VTA1: variants seen among roughly 807,000 people sequenced by gnomAD.
VTA1 encodes vacuolar protein sorting-associated protein VTA1 homolog.
Under a neutral mutation model 36.9 loss-of-function variants are expected in VTA1, and 24 were observed. That is an observed-to-expected ratio of 0.65 (90% CI 0.47 to 0.91). The LOEUF (loss-of-function observed/expected upper bound fraction) is 0.91, where lower values mean the gene tolerates loss of function less well. VTA1 is among the 40% of genes least tolerant of loss of function. VTA1 has a pLI of 0.00. For synonymous variants in VTA1, 142 were observed against 130.2 expected, an observed-to-expected ratio of 1.09 and a Z score of -0.62; for missense variants, 393 against 377.2, an observed-to-expected ratio of 1.04 and a Z score of -0.35.
chr6:142,197,756 A>G (rs1300676889), intron 5 of VTA1, among the ~76,000 whole-genome samples: 2 of 152,082 alleles, frequency 1.3e-5, no homozygotes, highest in African/African-American at 4.8e-5. Context: ...TTGAGTCTTC[A>G]TAAGTTTAAA....
chr6:142,206,097 A>T (rs1775786251), intron 7 of VTA1, among the ~76,000 whole-genome samples: 1 of 152,178 alleles, frequency 6.6e-6, no homozygotes, highest in Non-Finnish European at 1.5e-5. Context: ...AAAGCTATAA[A>T]GATAGGAAAA....
intron 4 of VTA1, 134 bp downstream of exon 4, chr6:142,170,555 A>AT: frequency 3.6e-6 from 2 of 552,494 alleles, no homozygotes; most frequent in Non-Finnish European, 6.0e-6. Flanking sequence ...GTAATTTTGC[A>AT]TTTTTTATTA....
chr6:142,169,415 A>G (rs1416802838), intron 2 of VTA1, 135 bp from the exon 3 acceptor site: 2 of 1,052,046 alleles, frequency 1.9e-6, no homozygotes, highest in Non-Finnish European at 2.7e-6. Flanking sequence ...TCTTTTTGCA[A>G]GATTTCATTG....
chr6:142,170,856 C>A (rs1311026510), intron 4 of VTA1, among the ~76,000 whole-genome samples: 2 of 152,016 alleles, frequency 1.3e-5, no homozygotes, highest in Non-Finnish European at 2.9e-5. Flanking sequence ...AACTCTTGAG[C>A]TCAAGCAATC....
intron 1 of VTA1, among the ~76,000 whole-genome samples, chr6:142,153,214 A>G (rs571041585): frequency 2.0e-5 from 3 of 152,228 alleles, no homozygotes; most frequent in East Asian, 3.9e-4. Flanking sequence ...TGTAAACTCT[A>G]TGAGAACAAG....
At chr6:142,203,845 G>A (rs966694886) in intron 6 of VTA1, 140 bp from the exon 7 acceptor site, 2 of 647,010 alleles carry the variant, frequency 3.1e-6, no homozygotes, top group Non-Finnish European at 5.4e-6. Context: ...CATCAACTAA[G>A]TATGTCAAGT....
At chr6:142,201,834 A>G (rs1300346418) in intron 6 of VTA1, among the ~76,000 whole-genome samples, 2 of 151,992 alleles carry the variant, frequency 1.3e-5, no homozygotes, top group Admixed American at 6.6e-5. Context: ...CATAGACAAT[A>G]TAGGTAACAT....
At position 142,215,689 on chromosome 6, in the gene VTA1, C is replaced by G. The variant is rs147744672; in HGVS notation, c.779-2809C>G. ...GCCTTTGACATAAGAATTTCTAGAACTATCTAGTTAAATTGGAAAGAGCTG... is the reference window on the plus strand; with the variant it reads ...GCCTTTGACATAAGAATTTCTAGAAGTATCTAGTTAAATTGGAAAGAGCTG... On this transcript the variant is annotated intron_variant, in intron 7 of 7. Coordinates refer to ENST00000367630, the MANE Select transcript of VTA1 (RefSeq NM_016485.5). Among the ~76,000 whole-genome samples the G allele has an allele frequency of 1.2e-3, 182 of 152,196 alleles. 1 individual carries two copies. Among genetic ancestry groups the G allele is most frequent in the African/African-American group, 4.1e-3 (172 of 41,500 alleles).
At chr6:142,185,459 C>A (rs907931393) in intron 4 of VTA1, among the ~76,000 whole-genome samples, 1 of 152,114 alleles carries the variant, frequency 6.6e-6, no homozygotes, top group Non-Finnish European at 1.5e-5. Flanking sequence ...CATTAGTTTT[C>A]ATTGCTGGAG....
rs567010868 is a variant in VTA1, at chr6:142,208,085, CAAAAAAAA to C, written c.778+4036_778+4043del. ...GCCTGGGTGACAGTGAGACTTCCAT[CAAAAAAAA>C]AAAAAAAAAAAAAAATCCCAAAACT... is the stretch of plus-strand genomic sequence containing the variant. On this transcript the variant is annotated intron_variant, in intron 7 of 7. Coordinates refer to ENST00000367630, the MANE Select transcript of VTA1 (RefSeq NM_016485.5). Among the ~76,000 whole-genome samples the C allele has an allele frequency of 1.4e-4, 14 of 99,500 alleles. No homozygotes were observed. In the East Asian group the frequency reaches 3.1e-3, roughly 22 times the overall value. 65.3% of individuals were successfully genotyped at this position (99,500 alleles called of 152,430 possible).
chr6:142,206,554 C>A (rs954225940), intron 7 of VTA1, among the ~76,000 whole-genome samples: 2 of 152,124 alleles, frequency 1.3e-5, no homozygotes, highest in African/African-American at 4.8e-5. Flanking sequence ...CAGTTCCCAT[C>A]AAAATCCCAG....
chr6:142,147,367 A>G lies in VTA1; in HGVS notation c.80A>G (p.His27Arg). Residue 27 changes from histidine to arginine, a missense_variant, in exon 1 of 8, where the codon CAT becomes CGT. Physicochemically the swap from His to Arg is conservative, Grantham distance 29. Transcript: ENST00000367630. ...IQHHLRTAQE[H>R]DKRDPVVAYY... ...CATCATCTGAGGACGGCTCAGGAGC[A>G]TGACAAGCGAGACCCTGTGGTGGCT... is the stretch of plus-strand genomic sequence containing the variant. 1 of 1,614,182 alleles carries G rather than the reference A, an allele frequency of 6.2e-7. No homozygotes were observed. Among genetic ancestry groups the G allele is most frequent in the Non-Finnish European group, 8.5e-7 (1 of 1,180,012 alleles).
intron 6 of VTA1, among the ~76,000 whole-genome samples, chr6:142,202,533 A>G (rs1344970846): frequency 6.6e-6 from 1 of 152,040 alleles, no homozygotes; most frequent in African/African-American, 2.4e-5. Context: ...TTAATCTGGA[A>G]TTATTGCTAG....
At chr6:142,201,047 T>A (rs1775675010) in intron 6 of VTA1, among the ~76,000 whole-genome samples, 1 of 151,900 alleles carries the variant, frequency 6.6e-6, no homozygotes, top group South Asian at 2.1e-4. Context: ...ACTTCATGTT[T>A]TAGCCATGTG....
intron 4 of VTA1, among the ~76,000 whole-genome samples, chr6:142,172,644 T>C (rs759495622): frequency 5.3e-5 from 8 of 152,362 alleles, no homozygotes; most frequent in Non-Finnish European, 1.2e-4. Flanking sequence ...TCTCCTGTTA[T>C]TAATGATCCA....
chr6:142,178,600 A>G (rs1775169159), intron 4 of VTA1, among the ~76,000 whole-genome samples: 1 of 152,148 alleles, frequency 6.6e-6, no homozygotes, highest in African/African-American at 2.4e-5. Flanking sequence ...TAAAAGATAC[A>G]TGACTATATT....
chr6:142,158,261 T>C (rs932930881), intron 1 of VTA1, among the ~76,000 whole-genome samples: 1 of 152,184 alleles, frequency 6.6e-6, no homozygotes, highest in African/African-American at 2.4e-5. Context: ...TAATTTTATA[T>C]GTGTATATGA....
At chr6:142,198,245 G>A (rs530538032) in intron 5 of VTA1, among the ~76,000 whole-genome samples, 194 bp from the exon 6 acceptor site, 158 of 151,174 alleles carry the variant, frequency 1.0e-3, no homozygotes, top group African/African-American at 3.8e-3. Context: ...TAATCATATT[G>A]TCAGGTACAA....
intron 4 of VTA1, among the ~76,000 whole-genome samples, chr6:142,187,797 C>T (rs1775367777): frequency 1.3e-5 from 2 of 151,936 alleles, no homozygotes; most frequent in African/African-American, 4.8e-5. Flanking sequence ...CAGAAGCTGC[C>T]TGTAGTAGTA....
Sources: gnomAD v4.1 joint callset for allele counts (sites outside exome capture counted in the v4.1 genomes callset) on GRCh38, gnomAD v4.1.1 for gene constraint, MANE v1.5 for transcripts, NCBI Gene and HGNC (gene_info 2026-07-23, HGNC 2026-07-21) for gene names.